GRM7: variants seen among roughly 807,000 people sequenced by gnomAD.
GRM7 encodes the protein glutamate metabotropic receptor 7.
In GRM7, 35 loss-of-function variants were observed where a neutral mutation model predicts 84.5. The observed-to-expected ratio is 0.41, with a 90% CI of 0.32 to 0.55. The LOEUF (loss-of-function observed/expected upper bound fraction) is 0.55. GRM7 is among the 20% of genes least tolerant of loss of function. The probability of loss-of-function intolerance (pLI) is 0.19; values close to 1 mark genes in which losing one functional copy is unlikely to be tolerated. For synonymous variants in GRM7, 487 were observed against 455.1 expected (o/e 1.07, Z -0.89); for missense variants, 1,003 against 1,194.6 (o/e 0.84, Z 2.36).
At chr3:7,413,566 A>G (rs1240961041) in intron 4 of GRM7, among the ~76,000 whole-genome samples, 1 of 152,168 alleles carries the variant, frequency 6.6e-6, no homozygotes, top group Non-Finnish European at 1.5e-5. Flanking sequence ...CATTTTTGAA[A>G]CTGGCTTTGG....
intron 1 of GRM7, among the ~76,000 whole-genome samples, chr3:6,932,319 G>C (rs1559336340): frequency 6.6e-6 from 1 of 152,094 alleles, no homozygotes; most frequent in Non-Finnish European, 1.5e-5. Flanking sequence ...CTTTGTACTT[G>C]ATATATCCCC....
At chr3:7,272,088 C>T (rs1698886274) in intron 2 of GRM7, among the ~76,000 whole-genome samples, 1 of 152,176 alleles carries the variant, frequency 6.6e-6, no homozygotes. Context: ...TATATTTTTA[C>T]TTTTCAACTT....
chr3:7,105,185 AT>A (rs61301893), intron 1 of GRM7, among the ~76,000 whole-genome samples: 2,471 of 150,370 alleles, frequency 0.016, 55 homozygotes, highest in African/African-American at 0.057. Context: ...GTGGTAATGA[AT>A]TTTTTTTTTA....
intron 7 of GRM7, among the ~76,000 whole-genome samples, chr3:7,535,059 A>T (rs940182574): frequency 2.0e-5 from 3 of 152,184 alleles, no homozygotes; most frequent in African/African-American, 7.2e-5. Flanking sequence ...TGTTACATCC[A>T]GAAATGACTA....
chr3:7,078,021 G>A (rs12053864), intron 1 of GRM7, among the ~76,000 whole-genome samples: 22,829 of 152,170 alleles, frequency 0.15, 2,866 homozygotes, highest in African/African-American at 0.35. Flanking sequence ...CTCAGGTAGC[G>A]TGAACAAATA....
chr3:7,002,764 T>C (rs1207782726), intron 1 of GRM7, among the ~76,000 whole-genome samples: 1 of 152,178 alleles, frequency 6.6e-6, no homozygotes, highest in Non-Finnish European at 1.5e-5. Flanking sequence ...TTGAAAGCAG[T>C]ATGCTGAAGA....
At chr3:7,240,313 G>C (rs1286628834) in intron 2 of GRM7, among the ~76,000 whole-genome samples, 1 of 150,858 alleles carries the variant, frequency 6.6e-6, no homozygotes, top group African/African-American at 2.4e-5. Context: ...ATAGTGAGGG[G>C]CCAAAGGACA....
At chr3:7,635,642 T>C (rs770406909) in intron 8 of GRM7, among the ~76,000 whole-genome samples, 1 of 152,186 alleles carries the variant, frequency 6.6e-6, no homozygotes, top group Non-Finnish European at 1.5e-5. Flanking sequence ...AACACTTCTC[T>C]GAGCCAAAGC....
At chr3:6,869,147 A>T (rs1359824088) in intron 1 of GRM7, among the ~76,000 whole-genome samples, 1 of 152,248 alleles carries the variant, frequency 6.6e-6, no homozygotes, top group African/African-American at 2.4e-5. Context: ...CACTCTATCA[A>T]AGGAATTATC....
chr3:6,911,156 A>G (rs1280450112), intron 1 of GRM7, among the ~76,000 whole-genome samples: 1 of 152,178 alleles, frequency 6.6e-6, no homozygotes, highest in African/African-American at 2.4e-5. Context: ...CTTATGAGAA[A>G]GTACCTTCTA....
chr3:6,958,115 G>C (rs163325), intron 1 of GRM7, among the ~76,000 whole-genome samples: 73,584 of 151,658 alleles, frequency 0.49, 18,629 homozygotes, highest in East Asian at 0.67. Flanking sequence ...ATACCCACTA[G>C]CCATCATCGT....
chr3:6,956,224 C>A (rs1346531231), intron 1 of GRM7, among the ~76,000 whole-genome samples: 1 of 152,174 alleles, frequency 6.6e-6, no homozygotes, highest in Non-Finnish European at 1.5e-5. Flanking sequence ...AACTCTCATG[C>A]ATTGCATTGT....
intron 1 of GRM7, among the ~76,000 whole-genome samples, chr3:6,953,577 A>G (rs1348611567): frequency 6.6e-6 from 1 of 152,174 alleles, no homozygotes; most frequent in African/African-American, 2.4e-5. Flanking sequence ...CTCTTAAGGG[A>G]GCCTTCTTCT....
chr3:6,891,771 T>C (rs576234780), intron 1 of GRM7, among the ~76,000 whole-genome samples: 6 of 152,198 alleles, frequency 3.9e-5, no homozygotes, highest in African/African-American at 1.4e-4. Flanking sequence ...TGAATCTGAA[T>C]GTTGGCCTGC....
chr3:7,660,981 A>T (rs1389176546), intron 8 of GRM7, among the ~76,000 whole-genome samples: 2 of 152,258 alleles, frequency 1.3e-5, no homozygotes. Flanking sequence ...TAGATTATAG[A>T]TTTAAACATA....
chr3:6,961,366 C>T (rs966132678), intron 1 of GRM7, among the ~76,000 whole-genome samples: 7 of 152,140 alleles, frequency 4.6e-5, no homozygotes, highest in African/African-American at 1.7e-4. Flanking sequence ...CTTGCTCATA[C>T]CTTCAACTCC....
chr3:7,326,084 T>C (rs17697928), intron 4 of GRM7, among the ~76,000 whole-genome samples: 60,877 of 136,272 alleles, frequency 0.45, 12,976 homozygotes, highest in Middle Eastern at 0.53. Context: ...TACTTGATTC[T>C]TGGCAAAGTG....
chr3:6,890,067 T>C (rs1695870791), intron 1 of GRM7, among the ~76,000 whole-genome samples: 1 of 152,172 alleles, frequency 6.6e-6, no homozygotes, highest in African/African-American at 2.4e-5. Flanking sequence ...TTCTGTGGGA[T>C]CAGTGGTGAT....
chr3:7,197,141 C>A (rs1047876125), intron 2 of GRM7, among the ~76,000 whole-genome samples: 1 of 152,136 alleles, frequency 6.6e-6, no homozygotes, highest in African/African-American at 2.4e-5. Flanking sequence ...GTATTAATAA[C>A]AAATGCTCTG....
Sources: allele counts gnomAD v4.1 joint callset (sites outside exome capture counted in the v4.1 genomes callset), GRCh38; gene constraint gnomAD v4.1.1; transcripts MANE v1.5; gene names NCBI Gene and HGNC (gene_info 2026-07-23, HGNC 2026-07-21).